Variants in KCNQ1 observed in about 807,000 individuals in gnomAD.
KCNQ1 encodes the protein potassium voltage-gated channel subfamily Q member 1, also known as potassium voltage-gated channel subfamily KQT member 1.
Under a neutral mutation model 72.4 loss-of-function variants are expected in KCNQ1, and 49 were observed. The ratio of observed to expected loss-of-function variants is 0.68; its 90% CI spans 0.54 to 0.86. The LOEUF (loss-of-function observed/expected upper bound fraction) is 0.86. Ranked by LOEUF, KCNQ1 falls within the 40% of genes least tolerant of loss-of-function variation. The pLI is 0.00. For synonymous variants in KCNQ1, 450 were observed against 412.6 expected, an observed-to-expected ratio of 1.09 and a Z score of -1.10; for missense variants, 790 against 945.1, an observed-to-expected ratio of 0.84 and a Z score of 2.15.
chr11:2,499,600 T>G (rs776872058), intron 1 of KCNQ1, among the ~76,000 whole-genome samples: 4 of 147,232 alleles, frequency 2.7e-5, no homozygotes, highest in Non-Finnish European at 6.0e-5. Context: ...ACACATAGAC[T>G]GAAAATTAAG....
chr11:2,788,002 G>C (rs1345777461), intron 15 of KCNQ1, among the ~76,000 whole-genome samples: 1 of 152,226 alleles, frequency 6.6e-6, no homozygotes, highest in Non-Finnish European at 1.5e-5. Flanking sequence ...GCGCGTGTGG[G>C]GAGGTGAGTG....
At chr11:2,648,981 C>CTTTTTTTTT in intron 10 of KCNQ1, 6 of 313,728 alleles carry the variant, frequency 1.9e-5, no homozygotes, top group Non-Finnish European at 2.6e-5. Flanking sequence ...TTTTCTTTTT[C>CTTTTTTTTT]TTTTTTTTTT....
chr11:2,644,288 AT>A (rs1849630679), intron 10 of KCNQ1: 1 of 397,946 alleles, frequency 2.5e-6, no homozygotes, highest in Non-Finnish European at 4.4e-6. Flanking sequence ...TTTTTTCTAT[AT>A]TTTTGTCTGA....
In KCNQ1 at chr11:2,653,583, T is replaced by G. The variant is rs1050735686; in HGVS notation, c.1394-8378T>G. On this transcript the variant is annotated intron_variant, in intron 10 of 15. Coordinates refer to ENST00000155840, the MANE Select transcript of KCNQ1 (RefSeq NM_000218.3). The surrounding 1 kb of genome is among the most constrained non-coding windows in gnomAD (Gnocchi z 5.3). ...CCCGTTCCCTCTTTTGTTCTCCCTT[T>G]CCCTTGCTCTCTATCCATTGGCCCC... is the stretch of plus-strand genomic sequence containing the variant. 5 of 398,616 alleles carry G rather than the reference T, an allele frequency of 1.3e-5. No individual in the cohort carries two copies. Among genetic ancestry groups the G allele is most frequent in the African/African-American group, 1.0e-4 (5 of 48,612 alleles). The allele number at this position is 398,616 out of a possible 1,614,324, so 24.7% of individuals were successfully genotyped here.
intron 12 of KCNQ1, among the ~76,000 whole-genome samples, chr11:2,770,034 A>C (rs191205368): frequency 2.6e-5 from 4 of 152,162 alleles, no homozygotes; most frequent in South Asian, 2.1e-4. Flanking sequence ...TGGGAAGATC[A>C]TCTTGACTTC....
In KCNQ1 at chr11:2,478,926, C is replaced by T. The variant is rs115088195; in HGVS notation, c.386+33442C>T. Among the ~76,000 whole-genome samples the T allele has an allele frequency of 2.1e-3, 318 of 152,314 alleles. 1 individual carries two copies. The highest frequency in any genetic ancestry group is 7.3e-3 in the African/African-American group (303 of 41,568). ...GGTACAGGCCTTGGATAAATACACC[C>T]ATTTGAAATGGGAGTAATTGGCCAA... On this transcript the variant is annotated intron_variant, in intron 1 of 15. Coordinates refer to ENST00000155840, the MANE Select transcript of KCNQ1 (RefSeq NM_000218.3). This position sits in a 1 kb window ranked among gnomAD's most constrained non-coding sequence, Gnocchi z 4.0.
chr11:2,688,433 T>C (rs567183362), intron 11 of KCNQ1: 3 of 398,752 alleles, frequency 7.5e-6, no homozygotes, highest in South Asian at 1.3e-4. Flanking sequence ...CCCCAGCCCC[T>C]GCCTGTGCCA....
rs1291729758 is a variant in KCNQ1, at chr11:2,648,261, T to G, written c.1394-13700T>G. On this transcript the variant is annotated intron_variant, in intron 10 of 15. Coordinates refer to ENST00000155840, the MANE Select transcript of KCNQ1 (RefSeq NM_000218.3). ...TCTTTTGTCTTTTTTACCTTTTATC[T>G]CTATTTCATTTAGATCTGCTCTGAT... The G allele has an allele frequency of 1.3e-5, 5 of 398,528 alleles. No homozygotes were observed. In the East Asian group the frequency reaches 1.8e-4, roughly 14 times the overall value. The allele number at this position is 398,528 out of a possible 1,614,324, so 24.7% of individuals were successfully genotyped here. A position where few individuals can be genotyped will look rare whatever the true frequency, so the allele number is the denominator to read the frequency against.
chr11:2,731,325 A>G (rs1845855123), intron 11 of KCNQ1, among the ~76,000 whole-genome samples: 1 of 152,228 alleles, frequency 6.6e-6, no homozygotes, highest in Non-Finnish European at 1.5e-5. Context: ...AACAATGCCC[A>G]AATGCCCTCG....
Position 2,588,175 on chromosome 11 carries a change from G to A in KCNQ1, c.1251+483G>A, listed in dbSNP as rs906818265. On this transcript the variant is annotated intron_variant, in intron 9 of 15. Coordinates refer to ENST00000155840, the MANE Select transcript of KCNQ1 (RefSeq NM_000218.3). This position sits in a 1 kb window ranked among gnomAD's most constrained non-coding sequence, Gnocchi z 5.6. ...GCAGAAGTCTTGTGACATGGCTGGG[G>A]TCATAAGGGGTTGGGGCTGACGCTG... is the stretch of plus-strand genomic sequence containing the variant. Among the ~76,000 whole-genome samples the A allele has an allele frequency of 6.6e-5, 10 of 152,074 alleles. No homozygotes were observed. The highest frequency in any genetic ancestry group is 8.8e-5 in the Non-Finnish European group (6 of 68,000).
chr11:2,727,041 G>T (rs1399701739), intron 11 of KCNQ1, among the ~76,000 whole-genome samples: 1 of 152,234 alleles, frequency 6.6e-6, no homozygotes, highest in Non-Finnish European at 1.5e-5. Context: ...TTGGGGGTTT[G>T]TGCTATGCCC....
chr11:2,768,841 C>G lies in KCNQ1; in HGVS notation c.1515-3C>G. ...ACAATCTCCTCTCCTCTCTCCACTG[C>G]AGGCTGCGGGAACACCATCGGGCCA... On this transcript the variant is annotated splice_polypyrimidine_tract_variant and splice_region_variant and intron_variant, in intron 11 of 15. Coordinates refer to ENST00000155840, the MANE Select transcript of KCNQ1 (RefSeq NM_000218.3). The surrounding 1 kb of genome is among the most constrained non-coding windows in gnomAD (Gnocchi z 6.7). 6.2e-7 allele frequency: 1 copy of G among 1,613,518 alleles called. No homozygotes were observed. Among genetic ancestry groups the G allele is most frequent in the Non-Finnish European group, 8.5e-7 (1 of 1,179,460 alleles).
rs959159404 is a variant in KCNQ1, at chr11:2,645,623, C to T, written c.1394-16338C>T. The T allele has an allele frequency of 2.5e-6, 1 of 398,704 alleles. No individual in the cohort carries two copies. Among genetic ancestry groups the T allele is most frequent in the Non-Finnish European group, 4.4e-6 (1 of 226,146 alleles). The allele number at this position is 398,704 out of a possible 1,614,324, so 24.7% of individuals were successfully genotyped here. A position where few individuals can be genotyped will look rare whatever the true frequency, so the allele number is the denominator to read the frequency against. ...CCCAGGTGGTGACTATGGGCAGGGT[C>T]ACCTTTCCTCATGGCAGCCTTGCTT... On this transcript the variant is annotated intron_variant, in intron 10 of 15. Coordinates refer to ENST00000155840, the MANE Select transcript of KCNQ1 (RefSeq NM_000218.3). This position sits in a 1 kb window ranked among gnomAD's most constrained non-coding sequence, Gnocchi z 5.8.
rs1850667401 is a variant in KCNQ1 at position 2,695,861 on chromosome 11, G to C, written c.1514+33780G>C. The C allele has an allele frequency of 2.5e-6, 1 of 398,564 alleles. No individual in the cohort carries two copies. The highest frequency in any genetic ancestry group is 4.4e-6 in the Non-Finnish European group (1 of 226,052). 24.7% of individuals were successfully genotyped at this position (398,564 alleles called of 1,614,324 possible). A position where few individuals can be genotyped will look rare whatever the true frequency, so the allele number is the denominator to read the frequency against. The stretch of plus-strand genomic sequence containing the variant: ...GATTAGCTTGGGCAAATTTTCATCT[G>C]TTTGTTAACCCTCCTGCAAACTGGC... On this transcript the variant is annotated intron_variant, in intron 11 of 15. Coordinates refer to ENST00000155840, the MANE Select transcript of KCNQ1 (RefSeq NM_000218.3). This position sits in a 1 kb window ranked among gnomAD's most constrained non-coding sequence, Gnocchi z 5.2.
At position 2,659,224 on chromosome 11, in the gene KCNQ1, C is replaced by A. The variant is rs1321383366; in HGVS notation, c.1394-2737C>A. The A allele has an allele frequency of 2.5e-6, 1 of 398,488 alleles. No homozygotes were observed. Among genetic ancestry groups the A allele is most frequent in the Non-Finnish European group, 4.4e-6 (1 of 226,058 alleles). The allele number at this position is 398,488 out of a possible 1,614,324, so 24.7% of individuals were successfully genotyped here. On this transcript the variant is annotated intron_variant, in intron 10 of 15. Transcript: ENST00000155840. The surrounding 1 kb of genome is among the most constrained non-coding windows in gnomAD (Gnocchi z 4.3). ...CAGTATCATTCACAGAAGTTCCATA[C>A]CCCTAAAAATACCCTGGGGTGAGTC...
rs1293332190 is a variant in KCNQ1, at chr11:2,781,094, G to A, written c.1794+3057G>A. ...GGCCTCCCTCCCCTGTCAAATGAGA[G>A]GGTTTGACTCCTGCTTGTGTCCTTA... On this transcript the variant is annotated intron_variant, in intron 15 of 15. Coordinates refer to ENST00000155840, the MANE Select transcript of KCNQ1 (RefSeq NM_000218.3). The surrounding 1 kb of genome is among the most constrained non-coding windows in gnomAD (Gnocchi z 6.6). Among the ~76,000 whole-genome samples the A allele has an allele frequency of 6.6e-6, 1 of 152,116 alleles. No homozygotes were observed. The highest frequency in any genetic ancestry group is 1.5e-5 in the Non-Finnish European group (1 of 68,036).
chr11:2,660,390 T>G (rs1849930780), intron 10 of KCNQ1: 1 of 398,454 alleles, frequency 2.5e-6, no homozygotes, highest in Admixed American at 4.4e-5. Context: ...AAACCTTCCT[T>G]TTTTATAAAG....
At chr11:2,529,500 A>G (rs179429) in intron 2 of KCNQ1, among the ~76,000 whole-genome samples, 126,220 of 151,908 alleles carry the variant, frequency 0.83, 52,578 homozygotes, top group East Asian at 0.97. Context: ...TTATGGTTTC[A>G]TTATGTAGAT....
At chr11:2,589,114 C>G (rs1028573961) in intron 10 of KCNQ1, among the ~76,000 whole-genome samples, 1 of 152,172 alleles carries the variant, frequency 6.6e-6, no homozygotes, top group Non-Finnish European at 1.5e-5. Context: ...CGGCTCCATC[C>G]GGCTGTACTG....
Sources: allele counts gnomAD v4.1 joint callset (sites outside exome capture counted in the v4.1 genomes callset), GRCh38; gene constraint gnomAD v4.1.1; non-coding constraint Gnocchi (gnomAD v3.1); transcripts MANE v1.5; gene names NCBI Gene and HGNC (gene_info 2026-07-23, HGNC 2026-07-21).